Variants in ADGRF5 observed in about 807,000 individuals in gnomAD.
ADGRF5 encodes the protein adhesion G protein-coupled receptor F5, also known as G-protein coupled receptor 116.
In ADGRF5, 75 loss-of-function variants were observed where a neutral mutation model predicts 132.3. The ratio of observed to expected loss-of-function variants is 0.57; its 90% CI spans 0.47 to 0.69. ADGRF5 has a LOEUF of 0.69. Ranked by LOEUF, ADGRF5 falls within the 30% of genes least tolerant of loss-of-function variation. The pLI is 0.00. For missense variants in ADGRF5, 1,516 were observed against 1,630.6 expected, an observed-to-expected ratio of 0.93 and a Z score of 1.21; for synonymous variants, 629 against 597.6, an observed-to-expected ratio of 1.05 and a Z score of -0.77.
Position 46,941,185 on chromosome 6 carries a change from C to T in ADGRF5, c.-25+13549G>A, listed in dbSNP as rs78077177. The stretch of plus-strand genomic sequence containing the variant: ...CCCTGTCTCTACAAACAATAAAAAG[C>T]CAGGCATAGTGGCAAGCATCTGTAA... On this transcript the variant is annotated intron_variant, in intron 1 of 20. Transcript: ENST00000265417. Among the ~76,000 whole-genome samples the T allele has an allele frequency of 0.013, 2,009 of 151,904 alleles. 70 individuals carry two copies. The South Asian group carries it at 0.13, about 10-fold the overall frequency.
chr6:46,922,771 G>T (rs1020001351), upstream of ADGRF5, among the ~76,000 whole-genome samples: 2 of 152,300 alleles, frequency 1.3e-5, no homozygotes, highest in African/African-American at 4.8e-5. Context: ...GGAAATAAGT[G>T]CTTCGGGTGA....
At chr6:46,948,999 G>A (rs962941370) in intron 1 of ADGRF5, among the ~76,000 whole-genome samples, 1 of 152,148 alleles carries the variant, frequency 6.6e-6, no homozygotes, top group Non-Finnish European at 1.5e-5. Context: ...TGCTATGCTG[G>A]GTAGGCTGAT....
At position 46,921,932 on chromosome 6, in the gene ADGRF5, CAG is replaced by C. The variant is rs1212558351; in HGVS notation, c.-246_-245del. On this transcript the variant is annotated 5_prime_UTR_variant, in exon 1 of 21. Coordinates refer to ENST00000283296, the MANE Select transcript of ADGRF5 (RefSeq NM_001098518.2). ...CCCAGCTATGATCCTCCCAGTCTCA[CAG>C]AGTCATCCCTGAGAGCCGCGCTGCT... 1.3e-5 allele frequency: 2 copies of C among 152,280 alleles called. No individual in the cohort carries two copies. Among genetic ancestry groups the C allele is most frequent in the African/African-American group, 4.8e-5 (2 of 41,464 alleles). 9.4% of individuals were successfully genotyped at this position (152,280 alleles called of 1,614,324 possible). A position where few individuals can be genotyped will look rare whatever the true frequency, so the allele number is the denominator to read the frequency against.
intron 3 of ADGRF5, 101 bp from the exon 4 acceptor site, chr6:46,888,606 G>A: frequency 1.3e-6 from 1 of 794,656 alleles, no homozygotes; most frequent in Admixed American, 2.1e-5. Context: ...AGGTACATGT[G>A]AATGGTTGGT....
chr6:46,933,172 C>T (rs552105468), intron 1 of ADGRF5, among the ~76,000 whole-genome samples: 35 of 152,262 alleles, frequency 2.3e-4, no homozygotes, highest in African/African-American at 7.9e-4. Context: ...CCACAGAGCT[C>T]GTGAGTGAGC....
At chr6:46,874,232 T>G (rs1771393034) in intron 10 of ADGRF5, among the ~76,000 whole-genome samples, 1 of 152,218 alleles carries the variant, frequency 6.6e-6, no homozygotes, top group Non-Finnish European at 1.5e-5. Context: ...CTTCTCTTTA[T>G]CTTCTATAGC....
chr6:46,898,457 G>C (rs956050609), intron 3 of ADGRF5, among the ~76,000 whole-genome samples: 1 of 152,118 alleles, frequency 6.6e-6, no homozygotes, highest in African/African-American at 2.4e-5. Context: ...AGCACAGAAC[G>C]TATATACTGT....
intron 20 of ADGRF5, among the ~76,000 whole-genome samples, chr6:46,855,262 A>T (rs1581708435): frequency 6.6e-6 from 1 of 152,188 alleles, no homozygotes; most frequent in Admixed American, 6.5e-5. Flanking sequence ...TATCAGCAGC[A>T]CCACCACCAC....
chr6:46,943,305 GT>G (rs1187324558), intron 1 of ADGRF5, among the ~76,000 whole-genome samples: 2 of 152,216 alleles, frequency 1.3e-5, no homozygotes, highest in African/African-American at 4.8e-5. Context: ...TGTGTTGGCA[GT>G]TTGGTTACAG....
At chr6:46,926,619 T>A (rs146918164), upstream of ADGRF5, among the ~76,000 whole-genome samples, 443 of 152,272 alleles carry the variant, frequency 2.9e-3, 2 homozygotes, top group Middle Eastern at 0.02. Flanking sequence ...CACATTCCAC[T>A]TTCAGCTCTT....
intron 1 of ADGRF5, among the ~76,000 whole-genome samples, chr6:46,917,423 C>CG (rs1776515517): frequency 1.3e-5 from 2 of 152,190 alleles, no homozygotes; most frequent in Non-Finnish European, 2.9e-5. Context: ...TGAAGTCAGA[C>CG]TGCCTGAGAT....
chr6:46,868,013 A>C (rs1430514147), intron 12 of ADGRF5, among the ~76,000 whole-genome samples: 5 of 152,164 alleles, frequency 3.3e-5, no homozygotes, highest in Admixed American at 2.0e-4. Context: ...CCATTTCCTG[A>C]CTGTATACTA....
chr6:46,867,991 A>G (rs902163858), intron 12 of ADGRF5, among the ~76,000 whole-genome samples: 7 of 152,236 alleles, frequency 4.6e-5, no homozygotes, highest in Non-Finnish European at 1.0e-4. Context: ...TCAGCCTGGA[A>G]GAAAAATACT....
chr6:46,951,080 C>T (rs1778481812), intron 1 of ADGRF5, among the ~76,000 whole-genome samples: 1 of 152,256 alleles, frequency 6.6e-6, no homozygotes, highest in African/African-American at 2.4e-5. Flanking sequence ...GGAAACCTCT[C>T]ATGCAGGTTA....
chr6:46,885,291 G>A (rs1294527797), intron 4 of ADGRF5, among the ~76,000 whole-genome samples: 1 of 151,800 alleles, frequency 6.6e-6, no homozygotes, highest in East Asian at 1.9e-4. Context: ...TATGATGACA[G>A]CACTGGTTGA....
chr6:46,890,591 C>A (rs924003809), intron 3 of ADGRF5, among the ~76,000 whole-genome samples: 4 of 151,878 alleles, frequency 2.6e-5, no homozygotes, highest in Non-Finnish European at 5.9e-5. Context: ...GTGGCGTGTG[C>A]CTGTAATCCC....
Position 46,877,306 on chromosome 6 carries a change from T to TCCTTCCTTCCTTCCTTCC in ADGRF5, c.1240+895_1240+896insGGAAGGAAGGAAGGAAGG, listed in dbSNP as rs369575219. 6.3e-4 allele frequency among the ~76,000 whole-genome samples: 49 copies of TCCTTCCTTCCTTCCTTCC among 77,186 alleles called. 1 individual carries two copies. Among genetic ancestry groups the TCCTTCCTTCCTTCCTTCC allele is most frequent in the African/African-American group, 2.6e-3 (46 of 17,686 alleles). 50.6% of individuals were successfully genotyped at this position (77,186 alleles called of 152,430 possible). A position where few individuals can be genotyped will look rare whatever the true frequency, so the allele number is the denominator to read the frequency against. On this transcript the variant is annotated intron_variant, in intron 10 of 20. Coordinates refer to ENST00000283296, the MANE Select transcript of ADGRF5 (RefSeq NM_001098518.2). The stretch of plus-strand genomic sequence containing the variant: ...TTCTTTCTTTCTCTCTCTCTCTCTC[T>TCCTTCCTTCCTTCCTTCC]TTCCTTCCTTCCTTCCTTCTTTCTT...
chr6:46,939,470 C>G (rs1456615954), intron 1 of ADGRF5, among the ~76,000 whole-genome samples: 1 of 152,150 alleles, frequency 6.6e-6, no homozygotes, highest in Non-Finnish European at 1.5e-5. Flanking sequence ...CAACTAAAAT[C>G]TGTGTGTGAA....
upstream of ADGRF5, among the ~76,000 whole-genome samples, chr6:46,923,535 C>T (rs192360301): frequency 3.5e-4 from 53 of 152,332 alleles, 2 homozygotes; most frequent in East Asian, 8.3e-3. Flanking sequence ...GTAGTCTACA[C>T]GTTAGATTGG....
Sources: allele counts gnomAD v4.1 joint callset (sites outside exome capture counted in the v4.1 genomes callset), GRCh38; gene constraint gnomAD v4.1.1; transcripts MANE v1.5; gene names NCBI Gene and HGNC (gene_info 2026-07-23, HGNC 2026-07-21).